MEGF11: variants seen among roughly 807,000 people sequenced by gnomAD.
MEGF11 encodes multiple epidermal growth factor-like domains protein 11.
MEGF11 carries 126 observed loss-of-function variants against 146.6 expected under a neutral mutation model. That is an observed-to-expected ratio of 0.86 (90% confidence interval 0.74 to 1.00). The LOEUF (loss-of-function observed/expected upper bound fraction) is 1.00, where lower values mean the gene tolerates loss of function less well. Ranked by LOEUF, MEGF11 falls within the 50% of genes least tolerant of loss-of-function variation. The probability of loss-of-function intolerance (pLI) is 0.00; values close to 1 mark genes in which losing one functional copy is unlikely to be tolerated. For missense variants in MEGF11, 1,509 were observed against 1,521.2 expected (o/e 0.99, Z 0.13); for synonymous variants, 532 against 583.4 (o/e 0.91, Z 1.27).
At chr15:66,096,833 C>T (rs1233401863) in intron 4 of MEGF11, among the ~76,000 whole-genome samples, 1 of 152,202 alleles carries the variant, frequency 6.6e-6, no homozygotes. Context: ...GAACAGCCTT[C>T]CGGTGCTCTG....
At position 65,915,559 on chromosome 15, in the gene MEGF11, A is replaced by T. The variant is rs2078967307; in HGVS notation, c.2384T>A (p.Leu795Gln). The T allele has an allele frequency of 6.2e-7, 1 of 1,613,802 alleles. No individual in the cohort carries two copies. Among genetic ancestry groups the T allele is most frequent in the African/African-American group, 1.3e-5 (1 of 74,890 alleles). Residue 795 changes from leucine to glutamine, a missense_variant, in exon 19 of 26, where the codon CTA (leucine) becomes CAA (glutamine). Transcript: ENST00000395614. ...GGTGGAGTTGTTCATGCACTCACATAGCTGCTGACACCCATAGCCAAAGGT... is the reference window on the plus strand; with the variant it reads ...GGTGGAGTTGTTCATGCACTCACATTGCTGCTGACACCCATAGCCAAAGGT... ...PGTFGYGCQQLCECMNNSTCD... is the reference protein window; with the variant it reads ...PGTFGYGCQQQCECMNNSTCD...
chr15:66,039,364 T>C (rs2083858360), intron 5 of MEGF11, among the ~76,000 whole-genome samples: 1 of 152,142 alleles, frequency 6.6e-6, no homozygotes, highest in Admixed American at 6.5e-5. Flanking sequence ...AGTTCAGTGA[T>C]TCTTGATCTC....
intron 5 of MEGF11, among the ~76,000 whole-genome samples, chr15:66,030,297 A>G (rs2083471872): frequency 6.6e-6 from 1 of 152,206 alleles, no homozygotes. Context: ...CCTCACATGT[A>G]ATATCTACCC....
At chr15:65,962,471 A>G (rs2080893309) in intron 9 of MEGF11, among the ~76,000 whole-genome samples, 2 of 152,196 alleles carry the variant, frequency 1.3e-5, no homozygotes, top group African/African-American at 4.8e-5. Flanking sequence ...AAAGCACAGG[A>G]CAGCCCTCTA....
At chr15:66,040,566 A>C (rs2083929374) in intron 5 of MEGF11, among the ~76,000 whole-genome samples, 1 of 152,200 alleles carries the variant, frequency 6.6e-6, no homozygotes, top group Non-Finnish European at 1.5e-5. Context: ...CAAGGTGAGG[A>C]AGCTGTCTAC....
chr15:66,245,797 G>GC (rs1166684385), intron 1 of MEGF11, among the ~76,000 whole-genome samples: 1 of 152,012 alleles, frequency 6.6e-6, no homozygotes, highest in Non-Finnish European at 1.5e-5. Flanking sequence ...CATTTACAGA[G>GC]CCCCCATAGA....
chr15:65,918,790 T>A (rs755942145), intron 15 of MEGF11, among the ~76,000 whole-genome samples: 2 of 152,256 alleles, frequency 1.3e-5, no homozygotes, highest in African/African-American at 2.4e-5. Context: ...AAGAGCTGGT[T>A]TCCTCAGTCA....
In MEGF11 at chr15:65,921,228, C is replaced by T. The variant is rs994284644; in HGVS notation, c.1957+1110G>A. Among the ~76,000 whole-genome samples the T allele has an allele frequency of 3.3e-5, 5 of 152,326 alleles. No homozygotes were observed. The South Asian group carries it at 1.0e-3, about 32-fold the overall frequency. On this transcript the variant is annotated intron_variant, in intron 15 of 25. Transcript: ENST00000395614. ...TCAACAGAAGTATTTAAGCAGAGTCCAGATGAGATTTCTTGCATAGATGAC... is the reference window on the plus strand; with the variant it reads ...TCAACAGAAGTATTTAAGCAGAGTCTAGATGAGATTTCTTGCATAGATGAC...
intron 1 of MEGF11, among the ~76,000 whole-genome samples, chr15:66,217,288 A>G (rs931585553): frequency 1.3e-5 from 2 of 152,224 alleles, no homozygotes; most frequent in African/African-American, 4.8e-5. Flanking sequence ...GAAAATGGCT[A>G]AGAGAGAGGG....
In MEGF11 at chr15:65,929,761, T is replaced by C; in HGVS notation, c.1531A>G (p.Thr511Ala). ...CAGGTGTCTCCCAGCCAGCCAGGAG[T>C]GCAGGAGCAGGAGCCGTCTATGGGG... ...CSPIDGSCSC[T>A]PGWLGDTCEL... Residue 511 changes from threonine to alanine, a missense_variant, in exon 12 of 26, where the codon ACT (threonine) becomes GCT (alanine). Transcript: ENST00000395614. The C allele has an allele frequency of 6.4e-7, 1 of 1,552,922 alleles. No individual in the cohort carries two copies. The highest frequency in any genetic ancestry group is 8.7e-7 in the Non-Finnish European group (1 of 1,147,922).
At chr15:66,168,913 GGGAGGT>G (rs2090170296) in intron 1 of MEGF11, among the ~76,000 whole-genome samples, 1 of 152,176 alleles carries the variant, frequency 6.6e-6, no homozygotes, top group Admixed American at 6.5e-5. Context: ...GCTTGAACCC[GGGAGGT>G]GGAGGTTGCA....
chr15:66,206,827 C>T (rs188327253), intron 1 of MEGF11, among the ~76,000 whole-genome samples: 107 of 152,250 alleles, frequency 7.0e-4, no homozygotes, highest in Middle Eastern at 6.8e-3. Flanking sequence ...CGCTTGAATC[C>T]GGGAAGTGGA....
At chr15:65,945,649 A>G (rs2141403922) in intron 10 of MEGF11, among the ~76,000 whole-genome samples, 1 of 152,272 alleles carries the variant, frequency 6.6e-6, no homozygotes, top group African/African-American at 2.4e-5. Flanking sequence ...GAGAACAGTG[A>G]TACGGATGGA....
intron 7 of MEGF11, among the ~76,000 whole-genome samples, chr15:65,980,280 T>TA (rs1359103604): frequency 2.6e-5 from 4 of 152,114 alleles, no homozygotes; most frequent in African/African-American, 9.7e-5. Flanking sequence ...ACACAGCACT[T>TA]AGAGATGGCA....
intron 1 of MEGF11, among the ~76,000 whole-genome samples, chr15:66,161,041 G>A (rs117637132): frequency 0.014 from 2,207 of 152,272 alleles, 29 homozygotes; most frequent in Non-Finnish European, 0.024. Flanking sequence ...AGGCAGGCCC[G>A]TGGCTCGTGA....
chr15:65,911,375 T>C (rs950311031), intron 21 of MEGF11, among the ~76,000 whole-genome samples: 1 of 152,254 alleles, frequency 6.6e-6, no homozygotes, highest in Non-Finnish European at 1.5e-5. Flanking sequence ...CACATTGTGT[T>C]GGTAGCATAC....
At chr15:65,927,076 T>G (rs2079396675) in intron 13 of MEGF11, among the ~76,000 whole-genome samples, 1 of 152,218 alleles carries the variant, frequency 6.6e-6, no homozygotes, top group African/African-American at 2.4e-5. Flanking sequence ...ATGACTATAT[T>G]TCTTTCTCTT....
chr15:65,957,740 G>T lies in MEGF11; in HGVS notation c.1113-19C>A. 6.2e-7 allele frequency: 1 copy of T among 1,612,454 alleles called. No homozygotes were observed. The highest frequency in any genetic ancestry group is 8.5e-7 in the Non-Finnish European group (1 of 1,179,170). On this transcript the variant is annotated intron_variant, in intron 9 of 25. Transcript: ENST00000395614. ...GTGGCAGCTGCACAGATGAGAGAAG[G>T]GTGAGAAGACAGCTTGTTCTGGGAA...
chr15:65,978,051 A>G (rs1160489682), intron 7 of MEGF11, among the ~76,000 whole-genome samples: 1 of 152,256 alleles, frequency 6.6e-6, no homozygotes, highest in African/African-American at 2.4e-5. Context: ...CCTGGTGGCC[A>G]GGAATCTCTG....
Sources: allele counts gnomAD v4.1 joint callset (sites outside exome capture counted in the v4.1 genomes callset), GRCh38; gene constraint gnomAD v4.1.1; transcripts MANE v1.5; gene names NCBI Gene and HGNC (gene_info 2026-07-23, HGNC 2026-07-21).